CEP85L: variants seen among roughly 807,000 people sequenced by gnomAD.
The protein encoded by CEP85L is centrosomal protein 85L.
A neutral mutation model predicts 100.3 loss-of-function variants in CEP85L; 60 were observed. That is an observed-to-expected ratio of 0.60 (90% confidence interval 0.49 to 0.74). The LOEUF is 0.74. Among genes scored for constraint, CEP85L ranks in the 30% least tolerant of loss-of-function variants. The pLI, the probability that CEP85L is intolerant of heterozygous loss-of-function variation, is 0.00. For synonymous variants in CEP85L, 319 were observed against 322.7 expected (o/e 0.99, Z 0.12); for missense variants, 973 against 936.2 (o/e 1.04, Z -0.51).
chr6:118,624,552 C>T (rs1360985214), intron 2 of CEP85L, among the ~76,000 whole-genome samples: 2 of 152,302 alleles, frequency 1.3e-5, no homozygotes, highest in South Asian at 4.1e-4. Flanking sequence ...ATACTCTCCT[C>T]CCCTTCCCAG....
intron 1 of CEP85L, among the ~76,000 whole-genome samples, chr6:118,704,883 T>C (rs557165241): frequency 2.0e-5 from 3 of 152,194 alleles, no homozygotes; most frequent in East Asian, 1.9e-4. Context: ...ATTTTCACCT[T>C]TCTTTCAGTG....
At chr6:118,565,296 A>G in intron 3 of CEP85L, 2 of 523,798 alleles carry the variant, frequency 3.8e-6, no homozygotes, top group East Asian at 6.4e-5. Context: ...TAACAAATGA[A>G]AAGGAAAGAA....
intron 3 of CEP85L, chr6:118,559,108 G>C (rs372970382): frequency 6.4e-6 from 10 of 1,574,076 alleles, no homozygotes; most frequent in Admixed American, 1.7e-5. Context: ...TAGATCTGCA[G>C]CTTGCCACAT....
At chr6:118,512,962 G>A (rs958696430) in intron 4 of CEP85L, among the ~76,000 whole-genome samples, 4 of 152,024 alleles carry the variant, frequency 2.6e-5, no homozygotes, top group African/African-American at 4.8e-5. Flanking sequence ...AAATAGACAA[G>A]GATAGTAAAT....
chr6:118,651,757 G>A (rs977146505), upstream of CEP85L: 7 of 986,514 alleles, frequency 7.1e-6, no homozygotes, highest in African/African-American at 3.5e-5. Flanking sequence ...CCTCCTTGGC[G>A]GCGACTGGGC....
Position 118,651,286 on chromosome 6 carries a change from G to A in CEP85L, c.-17C>T. 1 of 1,477,856 alleles carries A rather than the reference G, an allele frequency of 6.8e-7. No individual in the cohort carries two copies. Among genetic ancestry groups the A allele is most frequent in the Non-Finnish European group, 8.9e-7 (1 of 1,118,200 alleles). The allele number at this position is 1,477,856 out of a possible 1,614,324, so 91.5% of individuals were successfully genotyped here. On this transcript the variant is annotated 5_prime_UTR_variant, in exon 1 of 13. Transcript: ENST00000368491. The stretch of plus-strand genomic sequence containing the variant: ...CCCCCACATCGCGGGCGAGAGGGCC[G>A]GGTGGGCCAGGGACGCCCGACTCCT...
At chr6:118,578,732 A>T (rs890022951) in intron 2 of CEP85L, among the ~76,000 whole-genome samples, 5 of 152,216 alleles carry the variant, frequency 3.3e-5, no homozygotes, top group African/African-American at 9.6e-5. Flanking sequence ...CATCTCAAAA[A>T]AAATAAATAA....
At chr6:118,632,314 A>G (rs1467016922) in intron 2 of CEP85L, 139 bp downstream of exon 2, 2 of 693,932 alleles carry the variant, frequency 2.9e-6, no homozygotes, top group Non-Finnish European at 4.4e-6. Context: ...TTTATTTGAT[A>G]TACAGCAACA....
chr6:118,509,557 T>C (rs975098375), intron 5 of CEP85L, among the ~76,000 whole-genome samples: 4 of 152,128 alleles, frequency 2.6e-5, no homozygotes, highest in South Asian at 2.1e-4. Context: ...GAAAATCTGA[T>C]AGTTATTTTC....
chr6:118,555,977 G>C (rs548626326), intron 3 of CEP85L, among the ~76,000 whole-genome samples: 8 of 152,278 alleles, frequency 5.3e-5, no homozygotes, highest in Non-Finnish European at 8.8e-5. Context: ...CAAAAGACAT[G>C]ATATCATTCT....
intron 3 of CEP85L, chr6:118,565,325 T>C: frequency 1.7e-6 from 1 of 589,264 alleles, no homozygotes; most frequent in Non-Finnish European, 3.0e-6. Context: ...GTACAAGGTT[T>C]TCAGATTTTC....
At chr6:118,539,424 A>G (rs925076974) in intron 3 of CEP85L, among the ~76,000 whole-genome samples, 3 of 152,290 alleles carry the variant, frequency 2.0e-5, no homozygotes, top group Admixed American at 6.5e-5. Flanking sequence ...GGTTTGTGTA[A>G]GTACACTCTA....
intron 1 of CEP85L, among the ~76,000 whole-genome samples, chr6:118,666,388 C>CA (rs1357888735): frequency 6.6e-6 from 1 of 152,004 alleles, no homozygotes; most frequent in African/African-American, 2.4e-5. Flanking sequence ...TGACTGCCCC[C>CA]AAAAAAGGGT....
chr6:118,658,965 A>G (rs2115402678), intron 1 of CEP85L, among the ~76,000 whole-genome samples: 2 of 152,244 alleles, frequency 1.3e-5, no homozygotes, highest in East Asian at 3.8e-4. Context: ...TTGTAGTGTT[A>G]TTTTGGGGGA....
chr6:118,568,567 TAAGTA>T (rs1175733145), intron 2 of CEP85L, among the ~76,000 whole-genome samples: 1 of 152,220 alleles, frequency 6.6e-6, no homozygotes, highest in Non-Finnish European at 1.5e-5. Flanking sequence ...AACGCTCTGC[TAAGTA>T]AAGAGCCTGG....
intron 2 of CEP85L, among the ~76,000 whole-genome samples, chr6:118,620,650 A>G (rs1466592141): frequency 2.6e-5 from 4 of 152,204 alleles, no homozygotes; most frequent in African/African-American, 9.6e-5. Context: ...GCGCCAGCTC[A>G]TATCACCCTC....
chr6:118,521,277 G>A (rs1029035493), intron 4 of CEP85L, among the ~76,000 whole-genome samples: 1 of 152,000 alleles, frequency 6.6e-6, no homozygotes, highest in African/African-American at 2.4e-5. Context: ...AAACAGAAAT[G>A]TTATATATTT....
intron 5 of CEP85L, among the ~76,000 whole-genome samples, chr6:118,494,950 C>A (rs143554084): frequency 1.3e-5 from 2 of 151,738 alleles, no homozygotes; most frequent in South Asian, 2.1e-4. Context: ...ATACAGATAA[C>A]GTAAGTGTAG....
At chr6:118,615,051 A>T (rs535430975) in intron 2 of CEP85L, among the ~76,000 whole-genome samples, 1 of 152,238 alleles carries the variant, frequency 6.6e-6, no homozygotes, top group African/African-American at 2.4e-5. Context: ...CTAACAACAT[A>T]TGCATAGAAA....
Sources: allele counts gnomAD v4.1 joint callset (sites outside exome capture counted in the v4.1 genomes callset), GRCh38; gene constraint gnomAD v4.1.1; transcripts MANE v1.5; gene names NCBI Gene and HGNC (gene_info 2026-07-23, HGNC 2026-07-21).